SCUBE1: variants seen among roughly 807,000 people sequenced by gnomAD.
SCUBE1 encodes the protein signal peptide, CUB domain and EGF like domain containing 1, also known as signal peptide, CUB and EGF-like domain-containing protein 1.
A neutral mutation model predicts 124.4 loss-of-function variants in SCUBE1; 59 were observed. That is an observed-to-expected ratio of 0.47 (90% CI 0.38 to 0.59). SCUBE1 has a LOEUF of 0.59. Ranked by LOEUF, SCUBE1 falls within the 20% of genes least tolerant of loss-of-function variation. SCUBE1 has a pLI of 0.00. For synonymous variants in SCUBE1, 545 were observed against 550.9 expected, an observed-to-expected ratio of 0.99 and a Z score of 0.15; for missense variants, 1,150 against 1,371.2, an observed-to-expected ratio of 0.84 and a Z score of 2.55.
rs930909457 is a variant in SCUBE1, at chr22:43,258,035, C to T, written c.727+184G>A. ...GGGCTGCAGGCCCCAGAGAAGCCTC[C>T]CCAGAAAGCCTCCCCAGGGGCGCCG... On this transcript the variant is annotated intron_variant, in intron 6 of 21. Transcript: ENST00000360835. The surrounding 1 kb of genome is among the most constrained non-coding windows in gnomAD (Gnocchi z 5.0). Among the ~76,000 whole-genome samples, 1 of 152,086 alleles carries T rather than the reference C, an allele frequency of 6.6e-6. No individual in the cohort carries two copies. Among genetic ancestry groups the T allele is most frequent in the African/African-American group, 2.4e-5 (1 of 41,356 alleles).
At position 43,222,687 on chromosome 22, in the gene SCUBE1, C is replaced by T. The variant is rs760133560; in HGVS notation, c.1383G>A (p.Ala461=). 3.8e-5 allele frequency: 61 copies of T among 1,606,134 alleles called. No individual in the cohort carries two copies. The highest frequency in any genetic ancestry group is 1.2e-4 in the South Asian group (11 of 89,562). The change falls in exon 12 of 22, where the codon GCG becomes GCA. Residue 461 remains alanine (A), a synonymous_variant. Transcript: ENST00000360835. ...SCGVPGPQGK[A]LQKRNGTSSG... Reference sequence around the variant, plus strand: ...AGCTGGTGCCGTTGCGTTTCTGCAGCGCCTTGCCCTGCGGCCCTGGAACTC... The same window carrying T: ...AGCTGGTGCCGTTGCGTTTCTGCAGTGCCTTGCCCTGCGGCCCTGGAACTC...
At chr22:43,248,985 T>G (rs1302096692) in intron 6 of SCUBE1, among the ~76,000 whole-genome samples, 1 of 152,024 alleles carries the variant, frequency 6.6e-6, no homozygotes, top group Non-Finnish European at 1.5e-5. Context: ...GGCACCAAGC[T>G]GGAAAAGACC....
intron 19 of SCUBE1, among the ~76,000 whole-genome samples, chr22:43,208,908 C>T (rs781745945): frequency 1.8e-4 from 27 of 152,082 alleles, no homozygotes; most frequent in Non-Finnish European, 2.4e-4. Context: ...CAAGGCCTCA[C>T]GGCTCCCTGG....
chr22:43,322,607 C>T (rs550672854), intron 2 of SCUBE1, among the ~76,000 whole-genome samples: 4 of 152,326 alleles, frequency 2.6e-5, no homozygotes, highest in African/African-American at 9.6e-5. Flanking sequence ...TATCACCTCA[C>T]ACCCGATTTG....
rs1271503309 is a variant in SCUBE1 at position 43,208,121 on chromosome 22, A to G, written c.2685T>C (p.Asn895=). 6.2e-7 allele frequency: 1 copy of G among 1,614,112 alleles called. No individual in the cohort carries two copies. Among genetic ancestry groups the G allele is most frequent in the Non-Finnish European group, 8.5e-7 (1 of 1,180,010 alleles). ...GGAAGCCTTTGCCGCTGTTGCCTTC[A>G]TTGGATTTGAACTGGATCCAGAGCT... is the stretch of plus-strand genomic sequence containing the variant. ...SRKLWIQFKS[N]EGNSGKGFQV... The change falls in exon 20 of 22, where the codon AAT becomes AAC. Residue 895 remains asparagine, a synonymous_variant. Coordinates refer to ENST00000360835, the MANE Select transcript of SCUBE1 (RefSeq NM_173050.5).
At position 43,201,431 on chromosome 22, in the gene SCUBE1, C is replaced by G. The variant is rs1408826059; in HGVS notation, c.*2566G>C. On this transcript the variant is annotated 3_prime_UTR_variant, in exon 22 of 22. Coordinates refer to ENST00000360835, the MANE Select transcript of SCUBE1 (RefSeq NM_173050.5). ...TCGTCTTGGTTGGGTGAACGGATAC[C>G]CAGCTAGCTGGGAAAACATGCTAGG... 1 of 151,820 alleles carries G rather than the reference C, an allele frequency of 6.6e-6. No individual in the cohort carries two copies. Among genetic ancestry groups the G allele is most frequent in the Non-Finnish European group, 1.5e-5 (1 of 68,008 alleles). 9.4% of individuals were successfully genotyped at this position (151,820 alleles called of 1,614,324 possible).
Position 43,221,024 on chromosome 22 carries a change from G to T in SCUBE1, c.1549+149C>A. On this transcript the variant is annotated intron_variant, in intron 13 of 21. Coordinates refer to ENST00000360835, the MANE Select transcript of SCUBE1 (RefSeq NM_173050.5). ...GTTTCCCCAGCCTGCAATGTCCTTGGAAACTCTCATTCAATAAACAGCTGC... is the reference window on the plus strand; with the variant it reads ...GTTTCCCCAGCCTGCAATGTCCTTGTAAACTCTCATTCAATAAACAGCTGC... The T allele has an allele frequency of 6.4e-6, 4 of 626,610 alleles. No individual in the cohort carries two copies. In the South Asian group the frequency reaches 8.1e-5, roughly 13 times the overall value. The allele number at this position is 626,610 out of a possible 1,614,324, so 38.8% of individuals were successfully genotyped here.
intron 2 of SCUBE1, among the ~76,000 whole-genome samples, chr22:43,338,776 A>G (rs1037621806): frequency 1.3e-5 from 2 of 152,082 alleles, no homozygotes; most frequent in Admixed American, 1.3e-4. Flanking sequence ...GACCTCAGGT[A>G]ATCTGCCTGC....
At chr22:43,250,863 C>T (rs543125144) in intron 6 of SCUBE1, among the ~76,000 whole-genome samples, 1 of 152,312 alleles carries the variant, frequency 6.6e-6, no homozygotes, top group East Asian at 1.9e-4. Flanking sequence ...AACATCACAG[C>T]CAGAAATGCT....
At chr22:43,269,122 C>T (rs769411954) in intron 4 of SCUBE1, among the ~76,000 whole-genome samples, 21 of 152,150 alleles carry the variant, frequency 1.4e-4, no homozygotes, top group Admixed American at 1.2e-3. Context: ...GGCAAGCAGA[C>T]GGAGGTTGGG....
chr22:43,287,312 A>G (rs1173199399), intron 4 of SCUBE1, among the ~76,000 whole-genome samples: 5 of 152,220 alleles, frequency 3.3e-5, no homozygotes, highest in African/African-American at 9.6e-5. Context: ...CGCTACTCCT[A>G]GGACAGGTGC....
chr22:43,223,054 C>T, intron 11 of SCUBE1, 43 bp downstream of exon 11: 1 of 1,498,014 alleles, frequency 6.7e-7, no homozygotes, highest in African/African-American at 1.4e-5. Flanking sequence ...GGGAGGAAGA[C>T]CCCCCTGCCA....
intron 19 of SCUBE1, 41 bp from the exon 20 acceptor site, chr22:43,208,265 A>G (rs1921383541): frequency 6.2e-7 from 1 of 1,609,194 alleles, no homozygotes; most frequent in African/African-American, 1.3e-5. Flanking sequence ...ACAGGTAGGC[A>G]GCTCCTCCTG....
rs1026085910 is a variant in SCUBE1 at position 43,198,003 on chromosome 22, T to C, written c.*5994A>G. ...ACGTTTTAGAGACATTTCCTACCCT[T>C]GGATTAGATGGGCTTGAGTTTGATT... On this transcript the variant is annotated 3_prime_UTR_variant, in exon 22 of 22. Coordinates refer to ENST00000360835, the MANE Select transcript of SCUBE1 (RefSeq NM_173050.5). The C allele has an allele frequency of 1.3e-5, 2 of 153,610 alleles. No homozygotes were observed. The highest frequency in any genetic ancestry group is 2.9e-5 in the Non-Finnish European group (2 of 69,052). The allele number at this position is 153,610 out of a possible 1,614,324, so 9.5% of individuals were successfully genotyped here. A position where few individuals can be genotyped will look rare whatever the true frequency, so the allele number is the denominator to read the frequency against.
chr22:43,313,795 C>A (rs1169215757), intron 3 of SCUBE1, among the ~76,000 whole-genome samples: 1 of 152,178 alleles, frequency 6.6e-6, no homozygotes, highest in Non-Finnish European at 1.5e-5. Flanking sequence ...AAAATAACCT[C>A]GCTTACTCGA....
At chr22:43,280,394 CCCGTCCCTTCCCCTCACCCATCCT>C (rs1569009236) in intron 4 of SCUBE1, among the ~76,000 whole-genome samples, 24 of 125,890 alleles carry the variant, frequency 1.9e-4, no homozygotes, top group African/African-American at 8.1e-4. Flanking sequence ...TCACCCATCC[CCCGTCCCTTCCCCTCACCCATCCT>C]CCTGTCCCTT....
At chr22:43,290,203 G>A (rs1925304660) in intron 4 of SCUBE1, among the ~76,000 whole-genome samples, 1 of 151,400 alleles carries the variant, frequency 6.6e-6, no homozygotes, top group Non-Finnish European at 1.5e-5. Context: ...TCTCTGCCTG[G>A]AAGCCCCTCT....
At chr22:43,273,561 CTTTTTT>C (rs1056252584) in intron 4 of SCUBE1, among the ~76,000 whole-genome samples, 8 of 60,972 alleles carry the variant, frequency 1.3e-4, no homozygotes, top group Non-Finnish European at 1.8e-4. Context: ...CTAAAACCCT[CTTTTTT>C]TTTTTTTTTT....
intron 2 of SCUBE1, among the ~76,000 whole-genome samples, chr22:43,335,749 T>C (rs1927043086): frequency 6.6e-6 from 1 of 151,838 alleles, no homozygotes; most frequent in African/African-American, 2.4e-5. Flanking sequence ...GTGATGATGA[T>C]GATGATGATG....
Sources: gnomAD v4.1 joint callset for allele counts (sites outside exome capture counted in the v4.1 genomes callset) on GRCh38, gnomAD v4.1.1 for gene constraint, Gnocchi (gnomAD v3.1) non-coding constraint, MANE v1.5 for transcripts, NCBI Gene and HGNC (gene_info 2026-07-23, HGNC 2026-07-21) for gene names.